The following CALD1 variants were observed in gnomAD, a reference collection of about 807,000 sequenced individuals.
CALD1 encodes the protein caldesmon 1, also known as caldesmon.
In CALD1, 33 loss-of-function variants were observed where a neutral mutation model predicts 99.9. The observed-to-expected ratio is 0.33, with a 90% CI of 0.25 to 0.44. CALD1 has a LOEUF of 0.44. Among genes scored for constraint, CALD1 ranks in the 20% least tolerant of loss-of-function variants. The pLI is 1.00. For missense variants in CALD1, 861 were observed against 962.1 expected, an observed-to-expected ratio of 0.89 and a Z score of 1.39; for synonymous variants, 310 against 325.0, an observed-to-expected ratio of 0.95 and a Z score of 0.50.
At chr7:134,718,676 C>G in the CALD1 span, among the ~76,000 whole-genome samples, 1 of 151,972 alleles carries the variant, frequency 6.6e-6, no homozygotes, top group South Asian at 2.1e-4. Flanking sequence ...GAGTAAATTA[C>G]TGTACAAATT....
intron 1 of CALD1, among the ~76,000 whole-genome samples, chr7:134,809,345 A>G (rs572984817): frequency 1.3e-5 from 2 of 152,344 alleles, no homozygotes; most frequent in East Asian, 3.9e-4. Context: ...TCATTGTAAT[A>G]CAAAAGTCAC....
At chr7:134,759,995 C>T (rs1386626518) in intron 1 of CALD1, among the ~76,000 whole-genome samples, 1 of 152,118 alleles carries the variant, frequency 6.6e-6, no homozygotes, top group African/African-American at 2.4e-5. Flanking sequence ...CAGCAGAGAT[C>T]TAAGGAAGTG....
At chr7:134,776,713 ATCT>A (rs1796921632), upstream of CALD1, among the ~76,000 whole-genome samples, 2 of 152,170 alleles carry the variant, frequency 1.3e-5, no homozygotes, top group Admixed American at 1.3e-4. Flanking sequence ...AAACTTTCAA[ATCT>A]TCTTTTCTAT....
At chr7:134,718,278 C>CAAGCTTTACA in the CALD1 span, among the ~76,000 whole-genome samples, 2 of 152,272 alleles carry the variant, frequency 1.3e-5, no homozygotes, top group African/African-American at 4.8e-5. Flanking sequence ...AGCTTGATGT[C>CAAGCTTTACA]ATAAGCACTT....
intron 1 of CALD1, among the ~76,000 whole-genome samples, chr7:134,839,530 G>C (rs1223673593): frequency 6.6e-6 from 1 of 152,188 alleles, no homozygotes; most frequent in East Asian, 1.9e-4. Flanking sequence ...TCCCATAGCA[G>C]TGCATGAGCA....
chr7:134,734,201 A>G, the CALD1 span, among the ~76,000 whole-genome samples: 1 of 152,186 alleles, frequency 6.6e-6, no homozygotes, highest in Admixed American at 6.5e-5. Context: ...CATCAAATTA[A>G]AACAATGTTT....
chr7:134,727,303 G>A, the CALD1 span, among the ~76,000 whole-genome samples: 1 of 152,220 alleles, frequency 6.6e-6, no homozygotes, highest in African/African-American at 2.4e-5. Flanking sequence ...ACAGGCGATC[G>A]TAGCACATGC....
At chr7:134,818,809 G>A (rs1403022743) in intron 1 of CALD1, among the ~76,000 whole-genome samples, 22 of 152,168 alleles carry the variant, frequency 1.4e-4, no homozygotes, top group Admixed American at 1.4e-3. Flanking sequence ...GAGGCAGCTG[G>A]ACATGATGTG....
chr7:134,855,827 C>T (rs143136401), intron 2 of CALD1, among the ~76,000 whole-genome samples: 7 of 152,270 alleles, frequency 4.6e-5, no homozygotes, highest in Admixed American at 4.6e-4. Flanking sequence ...GGGAGAAAAA[C>T]AAGAAAGTAT....
chr7:134,958,384 C>T (rs1008841937), intron 11 of CALD1, 94 bp downstream of exon 11: 8 of 946,154 alleles, frequency 8.5e-6, no homozygotes, highest in Non-Finnish European at 1.3e-5. Flanking sequence ...ATAATCAAGT[C>T]CAATAGCCCC....
chr7:134,806,751 AT>A (rs1367981885), intron 1 of CALD1, among the ~76,000 whole-genome samples: 1 of 151,840 alleles, frequency 6.6e-6, no homozygotes, highest in Non-Finnish European at 1.5e-5. Context: ...TTCGCCAACA[AT>A]TTTTTTCTGT....
intron 7 of CALD1, among the ~76,000 whole-genome samples, chr7:134,942,800 A>G (rs1806552025): frequency 6.6e-6 from 1 of 152,232 alleles, no homozygotes; most frequent in South Asian, 2.1e-4. Context: ...AACGTTTAAG[A>G]AAATCTGTCA....
At chr7:134,896,526 A>C (rs1004652027) in intron 3 of CALD1, among the ~76,000 whole-genome samples, 5 of 152,200 alleles carry the variant, frequency 3.3e-5, no homozygotes, top group African/African-American at 1.2e-4. Context: ...GCAGCACTGC[A>C]CGAGCAGTGG....
chr7:134,770,073 A>T (rs1179539744), intron 1 of CALD1, among the ~76,000 whole-genome samples: 2 of 152,044 alleles, frequency 1.3e-5, no homozygotes, highest in African/African-American at 4.8e-5. Flanking sequence ...TCTTTAGTTT[A>T]ACTCTCACTT....
chr7:134,826,354 T>G (rs548975932), intron 1 of CALD1, among the ~76,000 whole-genome samples: 33 of 152,274 alleles, frequency 2.2e-4, no homozygotes, highest in African/African-American at 7.9e-4. Flanking sequence ...GTTTGAAATA[T>G]TCTCACACCT....
chr7:134,855,918 G>A (rs1800279779), intron 2 of CALD1, among the ~76,000 whole-genome samples: 2 of 152,202 alleles, frequency 1.3e-5, no homozygotes, highest in African/African-American at 4.8e-5. Flanking sequence ...TGAAGTCCTT[G>A]ATTACAAGTA....
At chr7:134,877,581 C>T (rs1294953007) in intron 3 of CALD1, among the ~76,000 whole-genome samples, 1 of 152,122 alleles carries the variant, frequency 6.6e-6, no homozygotes, top group Non-Finnish European at 1.5e-5. Flanking sequence ...TGTAGTTAGG[C>T]CTACAATGGT....
upstream of CALD1, among the ~76,000 whole-genome samples, chr7:134,776,809 G>T (rs1003375641): frequency 2.6e-5 from 4 of 152,010 alleles, no homozygotes; most frequent in African/African-American, 9.7e-5. Context: ...TAAAAAAATG[G>T]CCTATTTTTA....
chr7:134,881,619 A>G (rs576778990), intron 3 of CALD1, among the ~76,000 whole-genome samples: 6 of 152,212 alleles, frequency 3.9e-5, no homozygotes, highest in Non-Finnish European at 8.8e-5. Context: ...CTATATGTAG[A>G]GTTGCAGGTT....
Sources: allele counts gnomAD v4.1 joint callset (sites outside exome capture counted in the v4.1 genomes callset), GRCh38; gene constraint gnomAD v4.1.1; transcripts MANE v1.5; gene names NCBI Gene and HGNC (gene_info 2026-07-23, HGNC 2026-07-21).